NRG3: variants seen among roughly 807,000 people sequenced by gnomAD.
NRG3 encodes neuregulin 3.
A neutral mutation model predicts 66.9 loss-of-function variants in NRG3; 31 were observed. The observed-to-expected ratio is 0.46, with a 90% CI of 0.35 to 0.63. NRG3 has a LOEUF of 0.63. Ranked by LOEUF, NRG3 falls within the 20% of genes least tolerant of loss-of-function variation. NRG3 has a pLI of 0.00. For missense variants in NRG3, 910 were observed against 878.9 expected, an observed-to-expected ratio of 1.04 and a Z score of -0.45; for synonymous variants, 393 against 359.4, an observed-to-expected ratio of 1.09 and a Z score of -1.06.
chr10:81,961,801 TAGA>T (rs2133282088), intron 1 of NRG3, among the ~76,000 whole-genome samples: 1 of 152,380 alleles, frequency 6.6e-6, no homozygotes. Flanking sequence ...CCTGTTAGTA[TAGA>T]AGGAGTTTAT....
Position 82,147,453 on chromosome 10 carries a change from A to G in NRG3, c.824-211286A>G, listed in dbSNP as rs528949993. 2.6e-5 allele frequency among the ~76,000 whole-genome samples: 4 copies of G among 152,318 alleles called. No individual in the cohort carries two copies. In the East Asian group the frequency reaches 7.7e-4, roughly 29 times the overall value. The stretch of plus-strand genomic sequence containing the variant: ...TTCAGCATCTTTAAAATACAAAAAT[A>G]GATTTGTTGAGAATACTCATTTCCA... On this transcript the variant is annotated intron_variant, in intron 1 of 8. Coordinates refer to ENST00000372141, the MANE Select transcript of NRG3 (RefSeq NM_001010848.4).
At chr10:82,870,817 A>G (rs1280735693) in intron 4 of NRG3, among the ~76,000 whole-genome samples, 1 of 152,190 alleles carries the variant, frequency 6.6e-6, no homozygotes, top group East Asian at 1.9e-4. Context: ...TTTTTGAAAA[A>G]TGATCCTTTA....
intron 2 of NRG3, among the ~76,000 whole-genome samples, chr10:82,544,763 C>G (rs2043779463): frequency 6.6e-6 from 1 of 152,120 alleles, no homozygotes; most frequent in African/African-American, 2.4e-5. Context: ...ACAGATAGCT[C>G]AGTTCAATAA....
At chr10:82,007,193 A>G (rs1040844454) in intron 1 of NRG3, among the ~76,000 whole-genome samples, 3 of 148,550 alleles carry the variant, frequency 2.0e-5, no homozygotes, top group Non-Finnish European at 4.4e-5. Flanking sequence ...TTTAAAATCA[A>G]ATTTTCTTTT....
At chr10:82,223,642 A>AAT (rs1225527774) in intron 1 of NRG3, among the ~76,000 whole-genome samples, 1 of 137,926 alleles carries the variant, frequency 7.3e-6, no homozygotes, top group African/African-American at 2.8e-5. Flanking sequence ...AACCACCCCA[A>AAT]ACACACACAC....
intron 3 of NRG3, among the ~76,000 whole-genome samples, chr10:82,748,045 A>G (rs2058714487): frequency 6.6e-6 from 1 of 151,166 alleles, no homozygotes; most frequent in South Asian, 2.1e-4. Context: ...ATTTATAAAT[A>G]TAAATTAATT....
intron 4 of NRG3, among the ~76,000 whole-genome samples, chr10:82,933,947 T>C (rs1470337066): frequency 2.6e-5 from 4 of 152,142 alleles, no homozygotes; most frequent in East Asian, 1.9e-4. Context: ...GTCTTGAGTA[T>C]GGAATCCCAA....
intron 2 of NRG3, among the ~76,000 whole-genome samples, chr10:82,461,327 A>G (rs1278962325): frequency 6.6e-6 from 1 of 151,636 alleles, no homozygotes; most frequent in Non-Finnish European, 1.5e-5. Flanking sequence ...CATCACCACC[A>G]CCACCACCAT....
At chr10:82,730,275 A>G (rs981284356) in intron 2 of NRG3, among the ~76,000 whole-genome samples, 4 of 151,836 alleles carry the variant, frequency 2.6e-5, no homozygotes, top group African/African-American at 9.7e-5. Flanking sequence ...TAGTAGAGAC[A>G]GGGTTTAACT....
chr10:82,138,124 G>A (rs1042823755), intron 1 of NRG3, among the ~76,000 whole-genome samples: 8 of 151,962 alleles, frequency 5.3e-5, no homozygotes, highest in Non-Finnish European at 1.0e-4. Context: ...GTTTATCTAT[G>A]ATTTTCCTTA....
At chr10:82,732,852 C>T (rs1442146674) in intron 2 of NRG3, among the ~76,000 whole-genome samples, 1 of 152,136 alleles carries the variant, frequency 6.6e-6, no homozygotes, top group Non-Finnish European at 1.5e-5. Context: ...TTTCCCCAAC[C>T]AAGGACTGAC....
chr10:82,586,430 A>G (rs539326781), intron 2 of NRG3, among the ~76,000 whole-genome samples: 1 of 152,142 alleles, frequency 6.6e-6, no homozygotes, highest in Non-Finnish European at 1.5e-5. Context: ...TAACAGCAGG[A>G]TTGGACAGCA....
At chr10:82,785,906 G>C (rs1465987598) in intron 3 of NRG3, among the ~76,000 whole-genome samples, 1 of 152,174 alleles carries the variant, frequency 6.6e-6, no homozygotes, top group East Asian at 1.9e-4. Flanking sequence ...GGTTCTGTTT[G>C]TCAAGACAAT....
At chr10:82,648,493 T>A (rs565709757) in intron 2 of NRG3, among the ~76,000 whole-genome samples, 1 of 152,356 alleles carries the variant, frequency 6.6e-6, no homozygotes, top group East Asian at 1.9e-4. Context: ...TTGCGGGCTC[T>A]TTTTTGGTTC....
intron 2 of NRG3, among the ~76,000 whole-genome samples, chr10:82,688,725 T>C (rs953382185): frequency 1.3e-5 from 2 of 151,890 alleles, no homozygotes; most frequent in African/African-American, 4.8e-5. Context: ...AATCATGTAG[T>C]TTAGAATGGC....
intron 1 of NRG3, among the ~76,000 whole-genome samples, chr10:82,242,968 G>A (rs577469756): frequency 2.6e-4 from 39 of 152,292 alleles, no homozygotes; most frequent in Admixed American, 1.2e-3. Flanking sequence ...GTTAGGGCTC[G>A]TGCTTAAGCC....
intron 1 of NRG3, among the ~76,000 whole-genome samples, chr10:82,062,927 C>T (rs531489306): frequency 6.6e-6 from 1 of 152,306 alleles, no homozygotes; most frequent in South Asian, 2.1e-4. Flanking sequence ...TTGCAGCTCC[C>T]TCATTTGAGG....
At chr10:82,775,346 T>A (rs1406829028) in intron 3 of NRG3, among the ~76,000 whole-genome samples, 3 of 152,108 alleles carry the variant, frequency 2.0e-5, no homozygotes, top group East Asian at 1.9e-4. Flanking sequence ...TTAAATTCTC[T>A]TTTGATTTGT....
In NRG3 at chr10:82,220,186, CTGTGTG is replaced by C. The variant is rs60708384; in HGVS notation, c.824-138533_824-138528del. ...TCAATCATGTGGGCATGTATCTTTACTGTGTGTGTGTGTGTGTGTGTGTGTTTATCT... is the reference window on the plus strand; with the variant it reads ...TCAATCATGTGGGCATGTATCTTTACTGTGTGTGTGTGTGTGTGTTTATCT... On this transcript the variant is annotated intron_variant, in intron 1 of 8. Coordinates refer to ENST00000372141, the MANE Select transcript of NRG3 (RefSeq NM_001010848.4). Among the ~76,000 whole-genome samples the C allele has an allele frequency of 1.1e-4, 16 of 149,888 alleles. No individual in the cohort carries two copies. In the South Asian group the frequency reaches 1.7e-3, roughly 16 times the overall value.
Sources: gnomAD v4.1 joint callset for allele counts (sites outside exome capture counted in the v4.1 genomes callset) on GRCh38, gnomAD v4.1.1 for gene constraint, MANE v1.5 for transcripts, NCBI Gene and HGNC (gene_info 2026-07-23, HGNC 2026-07-21) for gene names.